Variants in DAGLB observed in about 807,000 individuals in gnomAD.
DAGLB encodes diacylglycerol lipase beta.
DAGLB carries 66 observed loss-of-function variants against 72.1 expected under a neutral mutation model. That is an observed-to-expected ratio of 0.92 (90% CI 0.75 to 1.12). DAGLB has a LOEUF of 1.12. DAGLB is among the 50% of genes most tolerant of loss of function. DAGLB has a pLI of 0.00. For missense variants in DAGLB, 1,065 were observed against 884.9 expected (o/e 1.20, Z -2.58); for synonymous variants, 414 against 359.5 (o/e 1.15, Z -1.71).
intron 6 of DAGLB, 61 bp from the exon 7 acceptor site, chr7:6,426,175 C>G (rs1414753247): frequency 1.2e-6 from 2 of 1,602,558 alleles, no homozygotes; most frequent in Admixed American, 3.3e-5. Flanking sequence ...GAACGTCCAT[C>G]CTCACTGCCA....
Position 6,421,641 on chromosome 7 carries a change from C to T in DAGLB, c.1218+86G>A, listed in dbSNP as rs532072503. ...GGCAGCGCGGGAGGCGCAGGCAGCG[C>T]GGGCTCTGTGCAGTCCCTGACCCGA... On this transcript the variant is annotated intron_variant, in intron 9 of 14. Transcript: ENST00000297056. 339 of 1,382,398 alleles carry T rather than the reference C, an allele frequency of 2.5e-4. 1 individual carries two copies. The highest frequency in any genetic ancestry group is 2.9e-4 in the Non-Finnish European group (296 of 1,025,250). 85.6% of individuals were successfully genotyped at this position (1,382,398 alleles called of 1,614,324 possible). A position where few individuals can be genotyped will look rare whatever the true frequency, so the allele number is the denominator to read the frequency against.
intron 2 of DAGLB, among the ~76,000 whole-genome samples, chr7:6,438,181 C>T (rs891774241): frequency 3.4e-5 from 5 of 148,860 alleles, no homozygotes; most frequent in African/African-American, 1.2e-4. Context: ...GGGTGGGGAA[C>T]ATCACACACC....
intron 11 of DAGLB, among the ~76,000 whole-genome samples, chr7:6,413,247 G>A (rs987544786): frequency 2.0e-5 from 3 of 152,154 alleles, no homozygotes; most frequent in African/African-American, 2.4e-5. Flanking sequence ...GAGACGCCCC[G>A]CAGCTAAAAC....
At chr7:6,423,277 G>A (rs969244621) in intron 8 of DAGLB, among the ~76,000 whole-genome samples, 1 of 152,098 alleles carries the variant, frequency 6.6e-6, no homozygotes, top group Non-Finnish European at 1.5e-5. Context: ...CAAACAGACT[G>A]GGGAGATGAG....
At chr7:6,444,229 C>T (rs544229335) in intron 2 of DAGLB, among the ~76,000 whole-genome samples, 17 of 152,254 alleles carry the variant, frequency 1.1e-4, no homozygotes, top group South Asian at 4.1e-4. Context: ...GCTATGATTG[C>T]GCCACTGCCC....
chr7:6,424,844 G>A lies in DAGLB; in HGVS notation c.1057-9C>T, dbSNP rs777178606. On this transcript the variant is annotated splice_polypyrimidine_tract_variant and intron_variant, in intron 7 of 14. Coordinates refer to ENST00000297056, the MANE Select transcript of DAGLB (RefSeq NM_139179.4). ...AACGGCAGCTCGTAAACCTGCAGGA[G>A]CAAGAAACAAGCATGGGGCCTAAAC... 3 of 1,613,416 alleles carry A rather than the reference G, an allele frequency of 1.9e-6. No individual in the cohort carries two copies. Among genetic ancestry groups the A allele is most frequent in the South Asian group, 2.2e-5 (2 of 91,080 alleles).
In DAGLB at chr7:6,409,583, C is replaced by G; in HGVS notation, c.*254G>C. 1.8e-6 allele frequency: 1 copy of G among 542,078 alleles called. No homozygotes were observed. The highest frequency in any genetic ancestry group is 2.1e-5 in the South Asian group (1 of 47,368). 33.6% of individuals were successfully genotyped at this position (542,078 alleles called of 1,614,324 possible). Reference sequence around the variant, plus strand: ...GATCCATCCACGGGCCAGGGCTTCCCGAGGCTGTCTCCACGGTCGCTGGGT... The same window carrying G: ...GATCCATCCACGGGCCAGGGCTTCCGGAGGCTGTCTCCACGGTCGCTGGGT... On this transcript the variant is annotated 3_prime_UTR_variant, in exon 15 of 15. Coordinates refer to ENST00000297056, the MANE Select transcript of DAGLB (RefSeq NM_139179.4).
Position 6,409,387 on chromosome 7 carries a change from C to A in DAGLB, c.*450G>T. On this transcript the variant is annotated 3_prime_UTR_variant, in exon 15 of 15. Transcript: ENST00000297056. The stretch of plus-strand genomic sequence containing the variant: ...AGAAAACCCCAGCCCGCACCCTCAC[C>A]ACAGTTCCATTTGTACATCCAGGAA... 1 of 167,882 alleles carries A rather than the reference C, an allele frequency of 6.0e-6. No homozygotes were observed. The highest frequency in any genetic ancestry group is 1.4e-4 in the South Asian group (1 of 6,966). The allele number at this position is 167,882 out of a possible 1,614,324, so 10.4% of individuals were successfully genotyped here. A position where few individuals can be genotyped will look rare whatever the true frequency, so the allele number is the denominator to read the frequency against.
chr7:6,423,877 C>T (rs542492076), intron 8 of DAGLB, among the ~76,000 whole-genome samples: 1 of 152,296 alleles, frequency 6.6e-6, no homozygotes, highest in African/African-American at 2.4e-5. Flanking sequence ...GCCACTGCTT[C>T]TTAAATGGGC....
intron 2 of DAGLB, among the ~76,000 whole-genome samples, chr7:6,441,049 T>C (rs1562489363): frequency 6.6e-6 from 1 of 150,668 alleles, no homozygotes; most frequent in East Asian, 2.0e-4. Flanking sequence ...TTTCGATACA[T>C]ATTTTTAATA....
chr7:6,418,409 A>AC (rs1783988333), intron 9 of DAGLB, among the ~76,000 whole-genome samples: 1 of 152,030 alleles, frequency 6.6e-6, no homozygotes, highest in Admixed American at 6.6e-5. Flanking sequence ...AAGAAAAAAA[A>AC]TAAAGCCATT....
chr7:6,432,910 T>C lies in DAGLB; in HGVS notation c.728A>G (p.His243Arg), dbSNP rs766954204. Reference protein sequence around the residue: ...SDIAAGLALLHQQQDNIRNNQ... With the variant: ...SDIAAGLALLRQQQDNIRNNQ... ...GTTCCTGATATTGTCCTGTTGCTGA[T>C]GAAGCAGGGCGAGGCCCGCCGCAAT... The change falls in exon 5 of 15, where the codon CAT becomes CGT. Residue 243 changes from histidine to arginine, a missense_variant. By Grantham distance (29) the His-to-Arg change is conservative. Transcript: ENST00000297056. The C allele has an allele frequency of 1.9e-6, 3 of 1,613,702 alleles. No individual in the cohort carries two copies. The highest frequency in any genetic ancestry group is 2.5e-6 in the Non-Finnish European group (3 of 1,179,966).
At position 6,410,326 on chromosome 7, in the gene DAGLB, T is replaced by C. The variant is rs1783678546; in HGVS notation, c.1624A>G (p.Asn542Asp). 6.2e-7 allele frequency: 1 copy of C among 1,614,084 alleles called. No homozygotes were observed. Among genetic ancestry groups the C allele is most frequent in the Non-Finnish European group, 8.5e-7 (1 of 1,180,000 alleles). The change falls in exon 14 of 15, where the codon AAC (asparagine) becomes GAC (aspartate). Residue 542 changes from asparagine to aspartate, a missense_variant. By Grantham distance (23) the Asn-to-Asp change is conservative (BLOSUM62 1). Transcript: ENST00000297056. ...CCCCCGTCCAGCTCCGTGGGCAAGT[T>C]GTTGGGGTTTCCTCCAAACAGTTCG... ...WYELFGGNPN[N>D]LPTELDGGDQ...
At chr7:6,443,628 C>T (rs1030233360) in intron 2 of DAGLB, among the ~76,000 whole-genome samples, 2 of 152,166 alleles carry the variant, frequency 1.3e-5, no homozygotes, top group African/African-American at 4.8e-5. Context: ...ACACCTTTTA[C>T]ATTTCAGTCC....
chr7:6,444,591 G>C (rs1477218589), intron 2 of DAGLB, among the ~76,000 whole-genome samples: 1 of 152,092 alleles, frequency 6.6e-6, no homozygotes, highest in Admixed American at 6.6e-5. Flanking sequence ...AGCGGAGGGA[G>C]ACTCTATCTC....
intron 5 of DAGLB, among the ~76,000 whole-genome samples, chr7:6,431,416 G>C (rs189973980): frequency 1.5e-4 from 23 of 152,258 alleles, no homozygotes; most frequent in African/African-American, 5.5e-4. Context: ...CCCATCCCAG[G>C]AGGAATTGTT....
intron 4 of DAGLB, among the ~76,000 whole-genome samples, chr7:6,433,251 G>C (rs898756221): frequency 6.6e-6 from 1 of 152,122 alleles, no homozygotes; most frequent in Non-Finnish European, 1.5e-5. Context: ...CAAATATTTT[G>C]TAAAGTGGAG....
chr7:6,443,131 C>CG (rs1554268943), intron 2 of DAGLB, among the ~76,000 whole-genome samples: 2 of 148,092 alleles, frequency 1.4e-5, no homozygotes, highest in Non-Finnish European at 3.0e-5. Context: ...TACAGTGAGC[C>CG]GAGATAGAGA....
rs116033384 is a variant in DAGLB, at chr7:6,416,748, G to C, written c.1306C>G (p.Arg436Gly). The change falls in exon 11 of 15, where the codon CGG (arginine) becomes GGG (glycine). Residue 436 changes from arginine to glycine, a missense_variant. Physicochemically the swap from Arg to Gly is moderately radical, Grantham distance 125. Coordinates refer to ENST00000297056, the MANE Select transcript of DAGLB (RefSeq NM_139179.4). ...AGGCTGTGGCCCACTATGACCAGCC[G>C]GTACTCCTAGAGGACAGACAGCAGA... ...SQAFSIAPEYRLVIVGHSLGG... is the reference protein window; with the variant it reads ...SQAFSIAPEYGLVIVGHSLGG... The C allele has an allele frequency of 3.9e-4, 630 of 1,613,692 alleles. 4 individuals carry two copies. In the African/African-American group the frequency reaches 7.8e-3, roughly 20 times the overall value.
Sources: allele counts gnomAD v4.1 joint callset (sites outside exome capture counted in the v4.1 genomes callset), GRCh38; gene constraint gnomAD v4.1.1; transcripts MANE v1.5; gene names NCBI Gene and HGNC (gene_info 2026-07-23, HGNC 2026-07-21).